The following CLIC6 variants were observed in gnomAD, a reference collection of about 807,000 sequenced individuals.
The protein encoded by CLIC6 is chloride intracellular channel protein 6.
A neutral mutation model predicts 49.2 loss-of-function variants in CLIC6; 39 were observed. The observed-to-expected ratio is 0.79, with a 90% CI of 0.61 to 1.04. The LOEUF (loss-of-function observed/expected upper bound fraction) is 1.04. CLIC6 is among the 50% of genes least tolerant of loss of function. The pLI, the probability that CLIC6 is intolerant of heterozygous loss-of-function variation, is 0.00. For synonymous variants in CLIC6, 446 were observed against 433.4 expected, an observed-to-expected ratio of 1.03 and a Z score of -0.36; for missense variants, 988 against 993.1, an observed-to-expected ratio of 0.99 and a Z score of 0.07.
chr21:34,716,564 G>T lies in CLIC6; in HGVS notation c.*82G>T. ...TGTGTTTGAAAACAAATTAGGTTTG[G>T]GTTCAATTCCTTCAATTTTTAAAAA... On this transcript the variant is annotated 3_prime_UTR_variant, in exon 6 of 6. Transcript: ENST00000349499. 2 of 1,171,184 alleles carry T rather than the reference G, an allele frequency of 1.7e-6. No individual in the cohort carries two copies. The highest frequency in any genetic ancestry group is 2.1e-5 in the South Asian group (1 of 48,112). The allele number at this position is 1,171,184 out of a possible 1,614,324, so 72.5% of individuals were successfully genotyped here. A position where few individuals can be genotyped will look rare whatever the true frequency, so the allele number is the denominator to read the frequency against.
intron 1 of CLIC6, among the ~76,000 whole-genome samples, chr21:34,693,968 T>A (rs892353187): frequency 2.1e-5 from 3 of 142,976 alleles, no homozygotes; most frequent in Non-Finnish European, 4.5e-5. Flanking sequence ...GTTGTTGTTG[T>A]TGTTTTCTTT....
intron 1 of CLIC6, among the ~76,000 whole-genome samples, chr21:34,701,936 TCTC>T (rs1186737069): frequency 6.6e-6 from 1 of 151,454 alleles, no homozygotes; most frequent in East Asian, 2.0e-4. Context: ...CACCTCCTCT[TCTC>T]CTCCTCCCGT....
intron 1 of CLIC6, among the ~76,000 whole-genome samples, chr21:34,702,095 T>TG (rs1990201528): frequency 6.6e-6 from 1 of 152,190 alleles, no homozygotes; most frequent in Non-Finnish European, 1.5e-5. Flanking sequence ...CCCAGGCGCA[T>TG]GGGAGCCACT....
intron 1 of CLIC6, among the ~76,000 whole-genome samples, chr21:34,691,337 C>T (rs1989989523): frequency 7.5e-6 from 1 of 133,426 alleles, no homozygotes; most frequent in Non-Finnish European, 1.7e-5. Flanking sequence ...CTAAATGCCA[C>T]ACTTTTTTTT....
rs998377443 is a variant in CLIC6, at chr21:34,669,527, G to A, written c.139G>A (p.Ala47Thr). The part of the protein sequence containing the change: ...EAEGPEGSEG[A>T]EEAPRGAAAV... ...AGAAGGGCCGGAGGGGAGCGAGGGC[G>A]CAGAGGAGGCGCCGAGGGGCGCCGC... The change falls in exon 1 of 6, where the codon GCA becomes ACA. Residue 47 changes from alanine (A) to threonine (T), a missense_variant. Physicochemically the swap from Ala to Thr is moderately conservative, Grantham distance 58 (BLOSUM62 0). Around this residue, in one of 3 missense-constraint regions of CLIC6, gnomAD observed 284 missense variants for 278.6 expected, o/e 1.02. Transcript: ENST00000349499. The A allele has an allele frequency of 5.6e-6, 7 of 1,244,148 alleles. No homozygotes were observed. The highest frequency in any genetic ancestry group is 7.4e-5 in the South Asian group (2 of 27,072). 77.1% of individuals were successfully genotyped at this position (1,244,148 alleles called of 1,614,324 possible).
chr21:34,681,835 G>T (rs1435590529), intron 1 of CLIC6, among the ~76,000 whole-genome samples: 1 of 152,096 alleles, frequency 6.6e-6, no homozygotes, highest in Non-Finnish European at 1.5e-5. Flanking sequence ...GTGGAATTAG[G>T]CTCCACCAAT....
chr21:34,670,407 A>C lies in CLIC6; in HGVS notation c.1019A>C (p.Lys340Thr). ...GAGGAGGCGGAGGTCCCGGGGGTAA[A>C]GGGGTCCGAAGAAGCGGCCCCCGGG... ...AAEEAEVPGV[K>T]GSEEAAPGDA... The change falls in exon 1 of 6, where the codon AAG (lysine) becomes ACG (threonine). Residue 340 changes from lysine to threonine, a missense_variant. Coordinates refer to ENST00000349499, the MANE Select transcript of CLIC6 (RefSeq NM_053277.3). The C allele has an allele frequency of 6.8e-7, 1 of 1,459,958 alleles. No individual in the cohort carries two copies. Among genetic ancestry groups the C allele is most frequent in the Non-Finnish European group, 9.0e-7 (1 of 1,106,830 alleles). The allele number at this position is 1,459,958 out of a possible 1,614,324, so 90.4% of individuals were successfully genotyped here. A position where few individuals can be genotyped will look rare whatever the true frequency, so the allele number is the denominator to read the frequency against.
At chr21:34,672,594 C>T (rs1246050102) in intron 1 of CLIC6, among the ~76,000 whole-genome samples, 3 of 152,210 alleles carry the variant, frequency 2.0e-5, no homozygotes, top group African/African-American at 7.2e-5. Flanking sequence ...TGCTATGTCT[C>T]TTTCCTCAGC....
At chr21:34,707,469 A>ACACACC in intron 2 of CLIC6, 80 bp downstream of exon 2, 3 of 877,960 alleles carry the variant, frequency 3.4e-6, no homozygotes, top group Admixed American at 2.0e-5. Context: ...ACACACACAC[A>ACACACC]CCTGAGGCCA....
chr21:34,702,409 GTC>G (rs1990206794), intron 1 of CLIC6, among the ~76,000 whole-genome samples: 2 of 152,136 alleles, frequency 1.3e-5, no homozygotes, highest in African/African-American at 4.8e-5. Context: ...GCTCCCGCGT[GTC>G]TCTTTCACAA....
chr21:34,706,055 G>T (rs574405339), intron 1 of CLIC6: 4 of 685,462 alleles, frequency 5.8e-6, no homozygotes, highest in African/African-American at 3.5e-5. Flanking sequence ...GGCTGTTCTC[G>T]CATTGCTATA....
intron 1 of CLIC6, among the ~76,000 whole-genome samples, chr21:34,699,708 G>A (rs947620923): frequency 1.3e-5 from 2 of 152,244 alleles, no homozygotes; most frequent in East Asian, 1.9e-4. Flanking sequence ...CTAGAGGTTC[G>A]TTGCCTCATG....
rs71196903 is a variant in CLIC6, at chr21:34,675,252, CAAA to C, written c.1374+4506_1374+4508del. Reference sequence around the variant, plus strand: ...ACCCAGAAATGAGCCCCCGCCCCTCCAAAAAAAAAAAAAAAAAAGAGCCTTCCA... The same window carrying C: ...ACCCAGAAATGAGCCCCCGCCCCTCCAAAAAAAAAAAAAAAGAGCCTTCCA... On this transcript the variant is annotated intron_variant, in intron 1 of 5. Coordinates refer to ENST00000349499, the MANE Select transcript of CLIC6 (RefSeq NM_053277.3). Among the ~76,000 whole-genome samples, 4 of 100,964 alleles carry C rather than the reference CAAA, an allele frequency of 4.0e-5. No homozygotes were observed. The East Asian group carries it at 8.1e-4, about 20-fold the overall frequency. 66.2% of individuals were successfully genotyped at this position (100,964 alleles called of 152,430 possible).
chr21:34,670,458 A>G lies in CLIC6; in HGVS notation c.1070A>G (p.Asp357Gly), dbSNP rs1319628983. The change falls in exon 1 of 6, where the codon GAC (aspartate) becomes GGC (glycine). Residue 357 changes from aspartate to glycine, a missense_variant. This residue lies in a region of CLIC6 where 647 missense variants were observed against 596.9 expected (regional missense o/e 1.08). Transcript: ENST00000349499. ...PGDARADAGEDRVGDGPQQEP... is the reference protein window; with the variant it reads ...PGDARADAGEGRVGDGPQQEP... Reference sequence around the variant, plus strand: ...GACGCAAGGGCAGACGCTGGCGAGGACAGGGTAGGGGATGGGCCACAGCAG... The same window carrying G: ...GACGCAAGGGCAGACGCTGGCGAGGGCAGGGTAGGGGATGGGCCACAGCAG... 6.8e-7 allele frequency: 1 copy of G among 1,477,106 alleles called. No homozygotes were observed. The highest frequency in any genetic ancestry group is 2.6e-5 in the Admixed American group (1 of 38,256). 91.5% of individuals were successfully genotyped at this position (1,477,106 alleles called of 1,614,324 possible). A position where few individuals can be genotyped will look rare whatever the true frequency, so the allele number is the denominator to read the frequency against.
chr21:34,682,627 A>G (rs1370061244), intron 1 of CLIC6, among the ~76,000 whole-genome samples: 6 of 151,946 alleles, frequency 3.9e-5, no homozygotes, highest in African/African-American at 1.2e-4. Flanking sequence ...GTATCCTTTT[A>G]GTCTTAGTAA....
At position 34,669,807 on chromosome 21, in the gene CLIC6, A is replaced by G; in HGVS notation, c.419A>G (p.Glu140Gly). 1 of 1,414,266 alleles carries G rather than the reference A, an allele frequency of 7.1e-7. No homozygotes were observed. The highest frequency in any genetic ancestry group is 3.1e-5 in the Admixed American group (1 of 32,110). The allele number at this position is 1,414,266 out of a possible 1,614,324, so 87.6% of individuals were successfully genotyped here. ...TCTGCGGCCCCCGAGAGGCAGGAGG[A>G]GGCGGAGCAGAGGCCTGAGGTCCCG... is the stretch of plus-strand genomic sequence containing the variant. ...EDSAAPERQE[E>G]AEQRPEVPEG... The change falls in exon 1 of 6, where the codon GAG (glutamate) becomes GGG (glycine). Residue 140 changes from glutamate (E) to glycine (G), a missense_variant. Around this residue, in one of 3 missense-constraint regions of CLIC6, gnomAD observed 284 missense variants for 278.6 expected, o/e 1.02. Coordinates refer to ENST00000349499, the MANE Select transcript of CLIC6 (RefSeq NM_053277.3).
intron 1 of CLIC6, among the ~76,000 whole-genome samples, chr21:34,706,292 A>T (rs1285778057): frequency 1.3e-5 from 2 of 152,146 alleles, no homozygotes; most frequent in African/African-American, 4.8e-5. Context: ...CAATCTTGTC[A>T]ATCTTGCAAG....
chr21:34,677,619 C>T (rs1352171556), intron 1 of CLIC6, among the ~76,000 whole-genome samples: 1 of 152,194 alleles, frequency 6.6e-6, no homozygotes, highest in African/African-American at 2.4e-5. Flanking sequence ...GCACCAAATC[C>T]TGACCAGCAA....
intron 1 of CLIC6, among the ~76,000 whole-genome samples, chr21:34,703,489 G>T (rs1235942682): frequency 6.6e-6 from 1 of 152,144 alleles, no homozygotes; most frequent in Non-Finnish European, 1.5e-5. Flanking sequence ...CAGTGGTGGG[G>T]CAGAGAGCTG....
Sources: allele counts gnomAD v4.1 joint callset (sites outside exome capture counted in the v4.1 genomes callset), GRCh38; gene constraint gnomAD v4.1.1; regional missense constraint gnomAD v4.1.1; transcripts MANE v1.5; gene names NCBI Gene and HGNC (gene_info 2026-07-23, HGNC 2026-07-21).